Variants in CRISP3 observed in about 807,000 individuals in gnomAD.
CRISP3 encodes the protein cysteine rich secretory protein 3.
A neutral mutation model predicts 36.1 loss-of-function variants in CRISP3; 33 were observed. That is an observed-to-expected ratio of 0.91 (90% CI 0.69 to 1.22). The LOEUF (loss-of-function observed/expected upper bound fraction) is 1.22. Ranked by LOEUF, CRISP3 falls within the 50% of genes most tolerant of loss-of-function variation. The pLI, the probability that CRISP3 is intolerant of heterozygous loss-of-function variation, is 0.00. For synonymous variants in CRISP3, 117 were observed against 104.6 expected, an observed-to-expected ratio of 1.12 and a Z score of -0.72; for missense variants, 330 against 301.2, an observed-to-expected ratio of 1.10 and a Z score of -0.71.
intron 6 of CRISP3, among the ~76,000 whole-genome samples, chr6:49,732,122 T>C (rs1228232013): frequency 2.6e-5 from 4 of 152,138 alleles, no homozygotes; most frequent in Non-Finnish European, 5.9e-5. Context: ...CTTAAGAAAA[T>C]GTGAAATAGA....
At chr6:49,736,283 C>G (rs921612754) in intron 3 of CRISP3, 108 bp downstream of exon 3, 1 of 729,260 alleles carries the variant, frequency 1.4e-6, no homozygotes, top group Non-Finnish European at 2.4e-6. Context: ...CAAAAAAATA[C>G]AGAGAGAACT....
intron 1 of CRISP3, among the ~76,000 whole-genome samples, chr6:49,739,819 TATTAGTTATAC>T (rs1250912438): frequency 6.6e-6 from 1 of 152,186 alleles, no homozygotes; most frequent in Non-Finnish European, 1.5e-5. Flanking sequence ...TTTCTAAGTG[TATTAGTTATAC>T]ATTATTTTCT....
At chr6:49,737,507 C>T (rs1404402781) in intron 1 of CRISP3, 109 bp from the exon 2 acceptor site, 1 of 1,118,728 alleles carries the variant, frequency 8.9e-7, no homozygotes, top group East Asian at 2.5e-5. Context: ...ATCCCAAATT[C>T]ATTATTAATG....
chr6:49,733,193 AC>A lies in CRISP3; in HGVS notation c.560+1del. Reference sequence around the variant, plus strand: ...ACAATAAACGCTAAAATATATACTTACGCAGGACAATATTGGCAAACATAGT... The same window carrying A: ...ACAATAAACGCTAAAATATATACTTAGCAGGACAATATTGGCAAACATAGT... On this transcript the variant is annotated splice_donor_variant, in intron 6 of 7. Transcript: ENST00000263045. LOFTEE classifies it high-confidence loss of function. The A allele has an allele frequency of 6.5e-7, 1 of 1,538,996 alleles. No homozygotes were observed. The highest frequency in any genetic ancestry group is 1.2e-5 in the South Asian group (1 of 85,872).
chr6:49,731,098 C>T (rs1311977036), intron 7 of CRISP3, 65 bp downstream of exon 7: 2 of 1,213,030 alleles, frequency 1.6e-6, no homozygotes, highest in Non-Finnish European at 2.4e-6. Context: ...CTTCAGATTT[C>T]CCAATTCTTA....
intron 1 of CRISP3, among the ~76,000 whole-genome samples, chr6:49,742,490 G>A (rs979968692): frequency 6.6e-6 from 1 of 151,852 alleles, no homozygotes; most frequent in African/African-American, 2.4e-5. Flanking sequence ...AAGTTAGCCG[G>A]GCATGGTGGT....
At position 49,728,714 on chromosome 6, in the gene CRISP3, G is replaced by A. The variant is rs201154922; in HGVS notation, c.*16C>T. 8.7e-5 allele frequency: 139 copies of A among 1,604,330 alleles called. No individual in the cohort carries two copies. The highest frequency in any genetic ancestry group is 8.3e-5 in the Non-Finnish European group (97 of 1,175,444). ...GACTCCTCTCTACATAGCCCTACTC[G>A]GTGTGTAATGCGTATTTAATAAATG... is the stretch of plus-strand genomic sequence containing the variant. On this transcript the variant is annotated 3_prime_UTR_variant, in exon 8 of 8. Transcript: ENST00000263045.
At chr6:49,732,992 C>T (rs1582190993) in intron 6 of CRISP3, among the ~76,000 whole-genome samples, 1 of 152,154 alleles carries the variant, frequency 6.6e-6, no homozygotes, top group African/African-American at 2.4e-5. Flanking sequence ...TGAGGAAAGA[C>T]AGCTCCCTGT....
chr6:49,734,481 G>A (rs939522627), intron 4 of CRISP3, among the ~76,000 whole-genome samples: 3 of 152,068 alleles, frequency 2.0e-5, no homozygotes, highest in Admixed American at 6.6e-5. Context: ...TTGCAGCCCA[G>A]AAATACTTCA....
intron 1 of CRISP3, 197 bp from the exon 2 acceptor site, chr6:49,737,595 C>A: frequency 1.6e-6 from 1 of 622,490 alleles, no homozygotes; most frequent in Non-Finnish European, 2.8e-6. Context: ...TCAACTGGGA[C>A]TATAAAGAAC....
Position 49,728,777 on chromosome 6 carries a change from T to G in CRISP3, c.730A>C (p.Arg244=), listed in dbSNP as rs769069195. 21 of 1,612,682 alleles carry G rather than the reference T, an allele frequency of 1.3e-5. No homozygotes were observed. The South Asian group carries it at 2.3e-4, about 18-fold the overall frequency. Residue 244 remains arginine (R), a synonymous_variant, in exon 8 of 8, where the codon AGG becomes CGG. Coordinates refer to ENST00000263045, the MANE Select transcript of CRISP3 (RefSeq NM_006061.4). ...TTGCAGGAGGCCTTGCAACTGTCCC[T>G]GACCAACTGATGTTTACAGGTTAAT... The part of the protein sequence containing the change: ...LTLTCKHQLV[R]DSCKASCNCS...
chr6:49,740,830 G>A (rs951076754), intron 1 of CRISP3, among the ~76,000 whole-genome samples: 1 of 151,874 alleles, frequency 6.6e-6, no homozygotes, highest in Non-Finnish European at 1.5e-5. Context: ...GGCTGGATGC[G>A]GTGGCTAATG....
Position 49,736,491 on chromosome 6 carries a change from G to A in CRISP3, c.128C>T (p.Ala43Val). The A allele has an allele frequency of 6.2e-7, 1 of 1,612,350 alleles. No homozygotes were observed. The highest frequency in any genetic ancestry group is 8.5e-7 in the Non-Finnish European group (1 of 1,178,636). The change falls in exon 3 of 8, where the codon GCT becomes GTT. Residue 43 changes from alanine to valine, a missense_variant. Transcript: ENST00000263045. ...CACTTGTGTTTGGGTGGTTAACAAA[G>A]CAGTAAAAGCGGGATCCTAAGGGAA... ...ANEDKDPAFT[A>V]LLTTQTQVQR...
intron 6 of CRISP3, 35 bp from the exon 7 acceptor site, chr6:49,731,286 A>G (rs957414050): frequency 1.4e-6 from 2 of 1,429,760 alleles, no homozygotes; most frequent in East Asian, 4.6e-5. Context: ...AATATTTTTC[A>G]TTTTTATGTT....
chr6:49,736,391 C>T lies in CRISP3; in HGVS notation c.228G>A (p.Met76Ile). The T allele has an allele frequency of 6.3e-7, 1 of 1,599,982 alleles. No individual in the cohort carries two copies. The highest frequency in any genetic ancestry group is 1.1e-5 in the South Asian group (1 of 90,374). ...VSPPARNMLKMEWNKEAAANA... is the reference protein window; with the variant it reads ...VSPPARNMLKIEWNKEAAANA... The stretch of plus-strand genomic sequence containing the variant: ...TCTCCTTTGCAATATCACCTCTTAC[C>T]ATCTTCAGCATGTTTCTGGCAGGGG... The change falls in exon 3 of 8, where the codon ATG becomes ATA. Residue 76 changes from methionine (M) to isoleucine (I), a missense_variant and splice_region_variant. Coordinates refer to ENST00000263045, the MANE Select transcript of CRISP3 (RefSeq NM_006061.4).
At chr6:49,741,227 C>T (rs1341968156) in intron 1 of CRISP3, among the ~76,000 whole-genome samples, 1 of 151,372 alleles carries the variant, frequency 6.6e-6, no homozygotes, top group Non-Finnish European at 1.5e-5. Flanking sequence ...TGTGATAGCA[C>T]TCTCCAGTGC....
chr6:49,738,044 T>C (rs1161961136), intron 1 of CRISP3, among the ~76,000 whole-genome samples: 1 of 152,172 alleles, frequency 6.6e-6, no homozygotes, highest in African/African-American at 2.4e-5. Context: ...TTTAATACCA[T>C]GCCTCAAATT....
intron 1 of CRISP3, among the ~76,000 whole-genome samples, chr6:49,741,502 C>A (rs1238321210): frequency 6.6e-6 from 1 of 150,946 alleles, no homozygotes; most frequent in Non-Finnish European, 1.5e-5. Context: ...ATGAGGACTG[C>A]AAGAATAATT....
At chr6:49,730,298 T>A (rs1377998883) in intron 7 of CRISP3, among the ~76,000 whole-genome samples, 1 of 152,116 alleles carries the variant, frequency 6.6e-6, no homozygotes, top group Non-Finnish European at 1.5e-5. Flanking sequence ...TTCTGCAAAC[T>A]AATACTACAT....
Sources: allele counts gnomAD v4.1 joint callset (sites outside exome capture counted in the v4.1 genomes callset), GRCh38; gene constraint gnomAD v4.1.1; transcripts MANE v1.5; gene names NCBI Gene and HGNC (gene_info 2026-07-23, HGNC 2026-07-21).